Variants in SYT2 observed in about 807,000 individuals in gnomAD.
SYT2 encodes the protein synaptotagmin 2, also known as synaptotagmin-2.
A neutral mutation model predicts 39.9 loss-of-function variants in SYT2; 15 were observed. The ratio of observed to expected loss-of-function variants is 0.38; its 90% CI spans 0.25 to 0.58. The LOEUF is 0.58. Ranked by LOEUF, SYT2 falls within the 20% of genes least tolerant of loss-of-function variation. The pLI, the probability that SYT2 is intolerant of heterozygous loss-of-function variation, is 0.70. For missense variants in SYT2, 389 were observed against 530.3 expected (o/e 0.73, Z 2.62); for synonymous variants, 181 against 204.5 (o/e 0.89, Z 0.98).
At chr1:202,667,466 CGTGTGTGTGTGTGTGTGTGTGTGTGT>C (rs35072265) in intron 1 of SYT2, among the ~76,000 whole-genome samples, 114 of 140,842 alleles carry the variant, frequency 8.1e-4, no homozygotes, top group African/African-American at 2.9e-3. Context: ...AGTGACCAGC[CGTGTGTGTGTGTGTGTGTGTGTGTGT>C]GTGTGTGTGT....
chr1:202,707,687 GCCCCTCTATCTACTCTCC>G (rs577070991), intron 1 of SYT2, among the ~76,000 whole-genome samples: 42 of 152,360 alleles, frequency 2.8e-4, no homozygotes, highest in Middle Eastern at 3.4e-3. Flanking sequence ...TGCACTCACT[GCCCCTCTATCTACTCTCC>G]CCTGAGAGGG....
chr1:202,665,979 C>T (rs571283535), intron 1 of SYT2, among the ~76,000 whole-genome samples: 35 of 151,980 alleles, frequency 2.3e-4, no homozygotes, highest in Non-Finnish European at 4.9e-4. Flanking sequence ...TGGTGAAACC[C>T]CGTCTCTACT....
chr1:202,669,746 A>ACC (rs1250945533), intron 1 of SYT2, among the ~76,000 whole-genome samples: 1 of 149,906 alleles, frequency 6.7e-6, no homozygotes, highest in Non-Finnish European at 1.5e-5. Flanking sequence ...TGACAGAGTG[A>ACC]GACCCTGTCT....
intron 1 of SYT2, among the ~76,000 whole-genome samples, chr1:202,667,899 G>A (rs548649853): frequency 7.3e-4 from 111 of 152,182 alleles, no homozygotes; most frequent in African/African-American, 2.6e-3. Context: ...TTTTAGTAGA[G>A]ACAAGGTTTC....
chr1:202,668,245 TACACTCAGAC>T (rs1230359842), intron 1 of SYT2, among the ~76,000 whole-genome samples: 2 of 152,348 alleles, frequency 1.3e-5, no homozygotes, highest in South Asian at 4.1e-4. Flanking sequence ...CATCTGTTGG[TACACTCAGAC>T]ACACTCAGAT....
chr1:202,630,999 C>T (rs1221629258), intron 1 of SYT2, among the ~76,000 whole-genome samples: 4 of 152,156 alleles, frequency 2.6e-5, no homozygotes, highest in South Asian at 2.1e-4. Context: ...ACACGGCATT[C>T]GGCAGCTGCA....
rs59844832 is a variant in SYT2 at position 202,687,666 on chromosome 1, CA to C, written c.-18+22591del. ...GGGCAACAAGAGTGAAACTCCATCT[CA>C]AAAAAAAAAAAAAAAAAGAAAAGAA... On this transcript the variant is annotated intron_variant, in intron 1 of 8. Coordinates refer to ENST00000367268, the MANE Select transcript of SYT2 (RefSeq NM_177402.5). Among the ~76,000 whole-genome samples the C allele has an allele frequency of 6.1e-3, 509 of 83,956 alleles. 2 individuals carry two copies. The highest frequency in any genetic ancestry group is 0.014 in the South Asian group (36 of 2,660). The allele number at this position is 83,956 out of a possible 152,430, so 55.1% of individuals were successfully genotyped here.
rs373898970 is a variant in SYT2 at position 202,642,326 on chromosome 1, G to A, written c.-17-36537C>T. Among the ~76,000 whole-genome samples, 11 of 152,264 alleles carry A rather than the reference G, an allele frequency of 7.2e-5. No homozygotes were observed. In the East Asian group the frequency reaches 9.7e-4, roughly 13 times the overall value. Reference sequence around the variant, plus strand: ...CAGCGATTCCCAGGTGCAGAGGCTCGGGCAGGCGTGCCCATGAGCTTGTCC... The same window carrying A: ...CAGCGATTCCCAGGTGCAGAGGCTCAGGCAGGCGTGCCCATGAGCTTGTCC... On this transcript the variant is annotated intron_variant, in intron 1 of 8. Transcript: ENST00000367268.
intron 1 of SYT2, among the ~76,000 whole-genome samples, chr1:202,682,176 C>A (rs1257149795): frequency 6.6e-6 from 1 of 152,234 alleles, no homozygotes. Flanking sequence ...TTCTCCCCAG[C>A]TGCCGGCTGG....
At chr1:202,666,853 G>A (rs1216400320) in intron 1 of SYT2, among the ~76,000 whole-genome samples, 1 of 152,164 alleles carries the variant, frequency 6.6e-6, no homozygotes, top group Non-Finnish European at 1.5e-5. Flanking sequence ...GTGATGGCAG[G>A]TGCCTGTGAT....
chr1:202,603,468 C>T (rs598782), intron 3 of SYT2, among the ~76,000 whole-genome samples: 20,376 of 152,166 alleles, frequency 0.13, 1,713 homozygotes, highest in Non-Finnish European at 0.19. Context: ...CTTGTAAGCC[C>T]TCTCCCAAAC....
intron 8 of SYT2, among the ~76,000 whole-genome samples, chr1:202,597,963 G>A (rs1396584774): frequency 6.6e-6 from 1 of 152,204 alleles, no homozygotes; most frequent in Non-Finnish European, 1.5e-5. Flanking sequence ...TCAGGACCAA[G>A]CTCTCTCTGG....
intron 1 of SYT2, among the ~76,000 whole-genome samples, chr1:202,650,899 G>A (rs1037647372): frequency 3.3e-5 from 5 of 152,150 alleles, no homozygotes; most frequent in Non-Finnish European, 7.4e-5. Flanking sequence ...GGTGTTTCAG[G>A]CAAAGGGAAT....
At chr1:202,650,738 T>G (rs989808429) in intron 1 of SYT2, among the ~76,000 whole-genome samples, 3 of 152,122 alleles carry the variant, frequency 2.0e-5, no homozygotes. Context: ...CAGATAACAG[T>G]GCAGCACGGG....
chr1:202,635,421 C>T (rs1417173439), intron 1 of SYT2, among the ~76,000 whole-genome samples: 1 of 152,170 alleles, frequency 6.6e-6, no homozygotes, highest in African/African-American at 2.4e-5. Flanking sequence ...AGACAGGCAC[C>T]AGAAGGGAAA....
At chr1:202,641,617 A>C (rs945765731) in intron 1 of SYT2, among the ~76,000 whole-genome samples, 5 of 152,166 alleles carry the variant, frequency 3.3e-5, no homozygotes, top group Non-Finnish European at 7.4e-5. Flanking sequence ...GTTAGATTAG[A>C]CTTTCCTATG....
In SYT2 at chr1:202,649,143, C is replaced by T. The variant is rs564440766; in HGVS notation, c.-17-43354G>A. ...AGGCACATCAGCAGGAGGAGCAGGGCCCAGGCATCAGAGGCCATGCAGCAG... is the reference window on the plus strand; with the variant it reads ...AGGCACATCAGCAGGAGGAGCAGGGTCCAGGCATCAGAGGCCATGCAGCAG... On this transcript the variant is annotated intron_variant, in intron 1 of 8. Transcript: ENST00000367268. 5.9e-5 allele frequency among the ~76,000 whole-genome samples: 9 copies of T among 152,374 alleles called. No homozygotes were observed. The East Asian group carries it at 1.7e-3, about 29-fold the overall frequency.
At position 202,686,022 on chromosome 1, in the gene SYT2, G is replaced by A. The variant is rs181728380; in HGVS notation, c.-18+24236C>T. Among the ~76,000 whole-genome samples, 545 of 152,210 alleles carry A rather than the reference G, an allele frequency of 3.6e-3. 2 individuals carry two copies. Among genetic ancestry groups the A allele is most frequent in the Non-Finnish European group, 4.2e-3 (287 of 68,006 alleles). ...AGCACATCCACCAGAGAGAGGGTCC[G>A]CCCGGGAGGACATGACCCTGGGCCC... On this transcript the variant is annotated intron_variant, in intron 1 of 8. Coordinates refer to ENST00000367268, the MANE Select transcript of SYT2 (RefSeq NM_177402.5).
At chr1:202,677,185 A>C (rs1279861670) in intron 1 of SYT2, among the ~76,000 whole-genome samples, 1 of 152,214 alleles carries the variant, frequency 6.6e-6, no homozygotes, top group African/African-American at 2.4e-5. Context: ...TCTTTACAGC[A>C]GTGTGAGAAC....
Sources: gnomAD v4.1 joint callset for allele counts (sites outside exome capture counted in the v4.1 genomes callset) on GRCh38, gnomAD v4.1.1 for gene constraint, MANE v1.5 for transcripts, NCBI Gene and HGNC (gene_info 2026-07-23, HGNC 2026-07-21) for gene names.